GPC5: variants seen among roughly 807,000 people sequenced by gnomAD.
The protein encoded by GPC5 is glypican-5.
GPC5 carries 47 observed loss-of-function variants against 53.9 expected under a neutral mutation model. That is an observed-to-expected ratio of 0.87 (90% CI 0.69 to 1.11). The LOEUF is 1.11. Among genes scored for constraint, GPC5 ranks in the 50% most tolerant of loss-of-function variants. The pLI is 0.00. For missense variants in GPC5, 748 were observed against 713.1 expected (o/e 1.05, Z -0.56); for synonymous variants, 286 against 263.3 (o/e 1.09, Z -0.84).
At chr13:91,965,194 G>T (rs2040169537) in intron 6 of GPC5, among the ~76,000 whole-genome samples, 1 of 151,954 alleles carries the variant, frequency 6.6e-6, no homozygotes, top group Non-Finnish European at 1.5e-5. Context: ...TAAAAAACGT[G>T]CACGTTGTAC....
chr13:92,254,792 T>C (rs2042715834), intron 7 of GPC5, among the ~76,000 whole-genome samples: 1 of 152,074 alleles, frequency 6.6e-6, no homozygotes, highest in Non-Finnish European at 1.5e-5. Flanking sequence ...ATCAGATCTA[T>C]GAGAACCCAC....
Position 92,627,557 on chromosome 13 carries a change from A to G in GPC5, c.1562-238725A>G, listed in dbSNP as rs111301067. On this transcript the variant is annotated intron_variant, in intron 7 of 7. Coordinates refer to ENST00000377067, the MANE Select transcript of GPC5 (RefSeq NM_004466.6). ...ATATCTACTGTTGCTGTACTACAAC[A>G]TATTTACTGTAATTCATAAAATGAA... 5.2e-3 allele frequency among the ~76,000 whole-genome samples: 799 copies of G among 152,340 alleles called. 10 individuals carry two copies. Among genetic ancestry groups the G allele is most frequent in the African/African-American group, 0.019 (776 of 41,586 alleles).
At chr13:92,399,510 C>T (rs528951165) in intron 7 of GPC5, among the ~76,000 whole-genome samples, 2 of 152,094 alleles carry the variant, frequency 1.3e-5, no homozygotes, top group South Asian at 2.1e-4. Flanking sequence ...CCTATTTACC[C>T]CCAGCCACCT....
chr13:91,701,832 A>G (rs543922055), intron 3 of GPC5, among the ~76,000 whole-genome samples: 2 of 152,102 alleles, frequency 1.3e-5, no homozygotes, highest in Non-Finnish European at 2.9e-5. Flanking sequence ...TTGCTGTAGC[A>G]TATGGTAGTT....
At chr13:92,703,751 G>T (rs1300996136) in intron 7 of GPC5, among the ~76,000 whole-genome samples, 1 of 151,546 alleles carries the variant, frequency 6.6e-6, no homozygotes. Context: ...TGGGGGAAGG[G>T]TATACAAATC....
At chr13:91,953,584 G>A (rs1403215352) in intron 6 of GPC5, among the ~76,000 whole-genome samples, 1 of 152,288 alleles carries the variant, frequency 6.6e-6, no homozygotes. Flanking sequence ...ATTATAATAG[G>A]ATTGCCCTAG....
intron 7 of GPC5, among the ~76,000 whole-genome samples, chr13:92,522,956 A>T (rs977428664): frequency 6.6e-6 from 1 of 152,152 alleles, no homozygotes; most frequent in African/African-American, 2.4e-5. Context: ...TATGGAAAAC[A>T]ATACAAATAT....
chr13:92,083,630 C>A (rs2138884566), intron 6 of GPC5, among the ~76,000 whole-genome samples: 1 of 152,210 alleles, frequency 6.6e-6, no homozygotes, highest in Admixed American at 6.5e-5. Context: ...TACAAATAGA[C>A]TCTTGAGGTA....
intron 3 of GPC5, among the ~76,000 whole-genome samples, chr13:91,706,567 A>G (rs1259820916): frequency 3.3e-5 from 5 of 152,174 alleles, no homozygotes; most frequent in African/African-American, 1.2e-4. Flanking sequence ...TTTGGAAATT[A>G]TACTTTGACC....
At chr13:92,214,940 T>G (rs2042399586) in intron 7 of GPC5, among the ~76,000 whole-genome samples, 1 of 152,114 alleles carries the variant, frequency 6.6e-6, no homozygotes. Flanking sequence ...AAGCTGGACA[T>G]GTCAAGGAAA....
chr13:92,765,089 T>C (rs1325119547), intron 7 of GPC5, among the ~76,000 whole-genome samples: 1 of 152,200 alleles, frequency 6.6e-6, no homozygotes, highest in African/African-American at 2.4e-5. Context: ...GAATGAGAAA[T>C]GACTTTATGA....
chr13:91,722,203 AT>A (rs2036488752), intron 3 of GPC5, among the ~76,000 whole-genome samples: 1 of 152,368 alleles, frequency 6.6e-6, no homozygotes, highest in African/African-American at 2.4e-5. Context: ...TCCTTGGTCA[AT>A]TCTCAGTATC....
At chr13:91,839,339 A>G (rs1311258067) in intron 5 of GPC5, among the ~76,000 whole-genome samples, 1 of 152,110 alleles carries the variant, frequency 6.6e-6, no homozygotes. Flanking sequence ...AAAGGGTTCT[A>G]GTAATTTACA....
intron 7 of GPC5, among the ~76,000 whole-genome samples, chr13:92,215,528 A>C (rs2139080407): frequency 6.6e-6 from 1 of 152,284 alleles, no homozygotes; most frequent in East Asian, 1.9e-4. Context: ...GTGATTATGA[A>C]CTGGTGACTC....
chr13:92,706,558 G>T (rs897439947), intron 7 of GPC5, among the ~76,000 whole-genome samples: 1 of 151,950 alleles, frequency 6.6e-6, no homozygotes. Flanking sequence ...ATGATTTTTC[G>T]TCTTACTGCC....
At chr13:91,981,862 A>G (rs1301955425) in intron 6 of GPC5, among the ~76,000 whole-genome samples, 1 of 152,202 alleles carries the variant, frequency 6.6e-6, no homozygotes, top group East Asian at 1.9e-4. Context: ...AGATGCTGAA[A>G]ACACAAAAGT....
chr13:92,135,986 G>C (rs1464411303), intron 6 of GPC5, among the ~76,000 whole-genome samples: 1 of 152,180 alleles, frequency 6.6e-6, no homozygotes, highest in Non-Finnish European at 1.5e-5. Flanking sequence ...AGAGACAGTA[G>C]AAAAGTTTGG....
chr13:92,845,715 A>G (rs927056699), intron 7 of GPC5, among the ~76,000 whole-genome samples: 3 of 152,136 alleles, frequency 2.0e-5, no homozygotes, highest in African/African-American at 7.2e-5. Context: ...CCATCACACT[A>G]TCTATACCGA....
chr13:92,144,051 G>C (rs1438523354), intron 6 of GPC5, among the ~76,000 whole-genome samples: 1 of 151,994 alleles, frequency 6.6e-6, no homozygotes, highest in Non-Finnish European at 1.5e-5. Context: ...TCTTAATCAG[G>C]CTTAGTTTTA....
Sources: gnomAD v4.1 joint callset for allele counts (sites outside exome capture counted in the v4.1 genomes callset) on GRCh38, gnomAD v4.1.1 for gene constraint, MANE v1.5 for transcripts, NCBI Gene and HGNC (gene_info 2026-07-23, HGNC 2026-07-21) for gene names.